The following LAMA2 variants were observed in gnomAD, a reference collection of about 807,000 sequenced individuals.
The protein encoded by LAMA2 is laminin subunit alpha-2.
A neutral mutation model predicts 364.8 loss-of-function variants in LAMA2; 269 were observed. The observed-to-expected ratio is 0.74, with a 90% CI of 0.67 to 0.82. The LOEUF (loss-of-function observed/expected upper bound fraction) is 0.82, where lower values mean the gene tolerates loss of function less well. Among genes scored for constraint, LAMA2 ranks in the 40% least tolerant of loss-of-function variants. LAMA2 has a pLI of 0.00. For missense variants in LAMA2, 3,807 were observed against 3,873.2 expected (o/e 0.98, Z 0.45); for synonymous variants, 1,379 against 1,370.6 (o/e 1.01, Z -0.14).
chr6:128,933,295 ATTTAC>A (rs943444818), intron 1 of LAMA2, among the ~76,000 whole-genome samples: 11 of 150,136 alleles, frequency 7.3e-5, no homozygotes, highest in African/African-American at 2.7e-4. Flanking sequence ...TGTATACTAT[ATTTAC>A]TTTATCCATT....
At chr6:129,256,791 T>G (rs1786719763) in intron 14 of LAMA2, among the ~76,000 whole-genome samples, 1 of 136,278 alleles carries the variant, frequency 7.3e-6, no homozygotes, top group Non-Finnish European at 1.7e-5. Flanking sequence ...TATATATATA[T>G]ATATATATAG....
intron 41 of LAMA2, among the ~76,000 whole-genome samples, chr6:129,433,345 A>G (rs539769627): frequency 6.6e-6 from 1 of 152,302 alleles, no homozygotes; most frequent in African/African-American, 2.4e-5. Context: ...TTCAACTTCT[A>G]TTCTTCCTCA....
intron 12 of LAMA2, among the ~76,000 whole-genome samples, chr6:129,220,198 A>G (rs1035766116): frequency 9.9e-5 from 15 of 152,182 alleles, no homozygotes; most frequent in African/African-American, 3.4e-4. Context: ...TTATATGACC[A>G]TATTTTTAAC....
intron 8 of LAMA2, chr6:129,158,764 G>A (rs943273759): frequency 1.9e-6 from 3 of 1,614,056 alleles, no homozygotes; most frequent in Non-Finnish European, 8.5e-7. Flanking sequence ...CTATTGTCCG[G>A]CGTAGCTGGG....
chr6:129,250,112 C>T lies in LAMA2; in HGVS notation c.1783C>T (p.Leu595Phe), dbSNP rs368467579. The T allele has an allele frequency of 1.1e-5, 17 of 1,577,680 alleles. No homozygotes were observed. In the African/African-American group the frequency reaches 2.2e-4, roughly 20 times the overall value. Reference sequence around the variant, plus strand: ...TGATTATGCATCTTCTGTCTTGTAGCTCCCAGCAGTAGGAGGACAGTTGAC... The same window carrying T: ...TGATTATGCATCTTCTGTCTTGTAGTTCCCAGCAGTAGGAGGACAGTTGAC... ...SAPAPYLGNK[L>F]PAVGGQLTFT... Residue 595 changes from leucine (L) to phenylalanine (F), a missense_variant and splice_region_variant, in exon 13 of 65, where the codon CTC becomes TTC. Physicochemically the swap from Leu to Phe is conservative, Grantham distance 22. Coordinates refer to ENST00000421865, the MANE Select transcript of LAMA2 (RefSeq NM_000426.4).
chr6:129,299,920 T>C lies in LAMA2; in HGVS notation c.3038-816T>C, dbSNP rs73776919. On this transcript the variant is annotated intron_variant, in intron 21 of 64. Transcript: ENST00000421865. ...TAGTCTTCCATTTGAATTCAAGTAT[T>C]TGGGTTTCTTCCCTCACTTACATTT... Among the ~76,000 whole-genome samples, 819 of 152,288 alleles carry C rather than the reference T, an allele frequency of 5.4e-3. 7 individuals are homozygous for C. Among genetic ancestry groups the C allele is most frequent in the African/African-American group, 0.018 (754 of 41,572 alleles).
At chr6:129,263,911 TTTTG>T (rs1352349774) in intron 15 of LAMA2, among the ~76,000 whole-genome samples, 1 of 151,968 alleles carries the variant, frequency 6.6e-6, no homozygotes, top group Non-Finnish European at 1.5e-5. Context: ...AGCTATTTTT[TTTTG>T]TTTGTTTTAA....
intron 18 of LAMA2, among the ~76,000 whole-genome samples, chr6:129,281,824 T>C (rs1788737790): frequency 6.6e-6 from 1 of 152,172 alleles, no homozygotes; most frequent in Non-Finnish European, 1.5e-5. Flanking sequence ...CCACAGTTGA[T>C]ACCATATTTT....
chr6:128,942,099 G>A (rs554892027), intron 1 of LAMA2, among the ~76,000 whole-genome samples: 10 of 152,134 alleles, frequency 6.6e-5, no homozygotes, highest in Non-Finnish European at 1.2e-4. Context: ...AGCACAAATA[G>A]TATGACCTTC....
intron 40 of LAMA2, among the ~76,000 whole-genome samples, chr6:129,424,745 T>C (rs1179259443): frequency 6.6e-6 from 1 of 152,040 alleles, no homozygotes; most frequent in African/African-American, 2.4e-5. Context: ...GCAGCTCTCA[T>C]ACACTGGTGA....
At chr6:129,453,730 GC>G (rs1782806359) in intron 46 of LAMA2, among the ~76,000 whole-genome samples, 1 of 152,042 alleles carries the variant, frequency 6.6e-6, no homozygotes, top group Non-Finnish European at 1.5e-5. Context: ...GTCAATATTT[GC>G]CATTTGGGTA....
intron 16 of LAMA2, among the ~76,000 whole-genome samples, chr6:129,268,213 T>C (rs1433845424): frequency 6.6e-6 from 1 of 152,128 alleles, no homozygotes; most frequent in Admixed American, 6.6e-5. Context: ...TTTTGTTTAA[T>C]TGCATTGCAT....
intron 22 of LAMA2, among the ~76,000 whole-genome samples, chr6:129,305,729 G>A (rs1174254652): frequency 6.6e-6 from 1 of 151,442 alleles, no homozygotes; most frequent in Non-Finnish European, 1.5e-5. Context: ...AATTTGAGGA[G>A]TTAAATCATT....
intron 40 of LAMA2, among the ~76,000 whole-genome samples, chr6:129,426,936 T>C (rs1449996117): frequency 6.6e-6 from 1 of 152,210 alleles, no homozygotes; most frequent in African/African-American, 2.4e-5. Context: ...CAACCCTTCT[T>C]GCACTTGCAA....
chr6:129,169,257 C>T (rs1160972364), intron 9 of LAMA2, among the ~76,000 whole-genome samples: 1 of 147,222 alleles, frequency 6.8e-6, no homozygotes, highest in Non-Finnish European at 1.5e-5. Context: ...AAAGGGAATG[C>T]TTCCAGTTTT....
chr6:129,513,405 T>C (rs1408579424), intron 63 of LAMA2, among the ~76,000 whole-genome samples: 33 of 152,168 alleles, frequency 2.2e-4, no homozygotes, highest in Non-Finnish European at 1.5e-5. Context: ...AGTAACATGC[T>C]CTTAAGGGCA....
rs1241629987 is a variant in LAMA2 at position 129,464,319 on chromosome 6, T to C, written c.7022T>C (p.Ile2341Thr). Residue 2341 changes from isoleucine (I) to threonine (T), a missense_variant, in exon 50 of 65, where the codon ATT (isoleucine) becomes ACT (threonine). By Grantham distance (89) the Ile-to-Thr change is moderately conservative. Transcript: ENST00000421865. ...CAGGTGGAAGATAGTGAGGGGACTA[T>C]TCAATTTGATGGAGAAGGTTATGCA... Reference protein sequence around the residue: ...SPQVEDSEGTIQFDGEGYALV... With the variant: ...SPQVEDSEGTTQFDGEGYALV... 4 of 1,612,222 alleles carry C rather than the reference T, an allele frequency of 2.5e-6. No individual in the cohort carries two copies. The highest frequency in any genetic ancestry group is 2.5e-6 in the Non-Finnish European group (3 of 1,178,682).
chr6:129,103,579 A>C (rs1343399611), intron 4 of LAMA2, among the ~76,000 whole-genome samples: 1 of 152,190 alleles, frequency 6.6e-6, no homozygotes, highest in Non-Finnish European at 1.5e-5. Flanking sequence ...ATTTTAAGAA[A>C]TATTTTAAGA....
rs556367686 is a variant in LAMA2, at chr6:129,438,750, G to T, written c.6073G>T (p.Ala2025Ser). ...TLNDTLGKLS[A>S]IPNDTAAKLQ... ...GAATGACACTTTGGGAAAGTTATCA[G>T]CTATTCCAAATGGTAAGCATTCAGG... Residue 2025 changes from alanine (A) to serine (S), a missense_variant, in exon 42 of 65, where the codon GCT (alanine) becomes TCT (serine). Ala to Ser is a moderately conservative substitution (Grantham distance 99). Transcript: ENST00000421865. The T allele has an allele frequency of 6.5e-7, 1 of 1,546,982 alleles. No individual in the cohort carries two copies.
Sources: gnomAD v4.1 joint callset for allele counts (sites outside exome capture counted in the v4.1 genomes callset) on GRCh38, gnomAD v4.1.1 for gene constraint, MANE v1.5 for transcripts, NCBI Gene and HGNC (gene_info 2026-07-23, HGNC 2026-07-21) for gene names.